Variants in MYO18A observed in about 807,000 individuals in gnomAD.
The protein encoded by MYO18A is myosin XVIIIA.
Under a neutral mutation model 235.8 loss-of-function variants are expected in MYO18A, and 78 were observed. The observed-to-expected ratio is 0.33, with a 90% CI of 0.28 to 0.40. MYO18A has a LOEUF of 0.40. MYO18A is among the 10% of genes least tolerant of loss of function. The probability of loss-of-function intolerance (pLI) is 1.00; values close to 1 mark genes in which losing one functional copy is unlikely to be tolerated. For synonymous variants in MYO18A, 977 were observed against 1,077.8 expected, an observed-to-expected ratio of 0.91 and a Z score of 1.83; for missense variants, 2,215 against 2,699.3, an observed-to-expected ratio of 0.82 and a Z score of 3.98.
chr17:29,076,011 T>C (rs2065965914), intron 41 of MYO18A: 1 of 157,612 alleles, frequency 6.3e-6, no homozygotes, highest in Admixed American at 6.5e-5. Flanking sequence ...CTTTTAAAGT[T>C]CTATCCCCAA....
Position 29,118,402 on chromosome 17 carries a change from A to G in MYO18A, c.1868T>C (p.Val623Ala). ...CTTGGCCAGTGGCACAATCCCAAAC[A>G]CATTGTTCTCTGCCAAGTGGTTGAG... Reference protein sequence around the residue: ...LHLNHLAENNVFGIVPLAKPE... With the variant: ...LHLNHLAENNAFGIVPLAKPE... Residue 623 changes from valine to alanine, a missense_variant, in exon 9 of 42, where the codon GTG (valine) becomes GCG (alanine). Transcript: ENST00000527372. This position sits in a 1 kb window ranked among gnomAD's most constrained non-coding sequence, Gnocchi z 4.2. The G allele has an allele frequency of 6.2e-7, 1 of 1,607,148 alleles. No individual in the cohort carries two copies. The highest frequency in any genetic ancestry group is 1.3e-5 in the African/African-American group (1 of 74,924).
chr17:29,111,445 C>A lies in MYO18A; in HGVS notation c.2879G>T (p.Arg960Leu), dbSNP rs555384674. The change falls in exon 17 of 42, where the codon CGG becomes CTG. Residue 960 changes from arginine (R) to leucine (L), a missense_variant. Arg to Leu is a moderately radical substitution (Grantham distance 102). Transcript: ENST00000527372. This position sits in a 1 kb window ranked among gnomAD's most constrained non-coding sequence, Gnocchi z 5.1. ...TTACTTCTGGGAGTCCTGCAGGAGC[C>A]GGGGGGCATTCTGGGTGGCTGGGTT... Reference protein sequence around the residue: ...KQNPATQNAPRLLQDSQKKII... With the variant: ...KQNPATQNAPLLLQDSQKKII... 3 of 1,612,230 alleles carry A rather than the reference C, an allele frequency of 1.9e-6. No individual in the cohort carries two copies. Among genetic ancestry groups the A allele is most frequent in the South Asian group, 2.2e-5 (2 of 90,650 alleles).
intron 2 of MYO18A, among the ~76,000 whole-genome samples, chr17:29,157,107 G>GT (rs1348559793): frequency 6.6e-6 from 1 of 152,200 alleles, no homozygotes; most frequent in Non-Finnish European, 1.5e-5. Context: ...GGCCAAAAAG[G>GT]TGAGAGGGGC....
rs1232612691 is a variant in MYO18A, at chr17:29,096,834, C to T, written c.4312G>A (p.Glu1438Lys). 1 of 1,598,324 alleles carries T rather than the reference C, an allele frequency of 6.3e-7. No homozygotes were observed. Among genetic ancestry groups the T allele is most frequent in the African/African-American group, 1.3e-5 (1 of 74,634 alleles). ...AGGTGCAGCTTGGTGTCTTGCAGCT[C>T]AGCCGTCAGTCGCTGGCACTTCTTC... ...LKKKCQRLTA[E>K]LQDTKLHLEG... The change falls in exon 28 of 42, where the codon GAG becomes AAG. Residue 1438 changes from glutamate (E) to lysine (K), a missense_variant. Coordinates refer to ENST00000527372, the MANE Select transcript of MYO18A (RefSeq NM_078471.4).
At chr17:29,083,789 C>T (rs2066182634) in intron 40 of MYO18A, among the ~76,000 whole-genome samples, 1 of 152,108 alleles carries the variant, frequency 6.6e-6, no homozygotes, top group Non-Finnish European at 1.5e-5. Context: ...CATGGAACAC[C>T]AATACCACCT....
intron 12 of MYO18A, 35 bp from the exon 13 acceptor site, chr17:29,115,476 C>T (rs1301537194): frequency 1.9e-6 from 3 of 1,597,986 alleles, no homozygotes; most frequent in East Asian, 2.3e-5. Flanking sequence ...ATCTCCTTCT[C>T]CCCAGGGCTC....
chr17:29,082,807 C>T (rs1445748658), intron 40 of MYO18A, among the ~76,000 whole-genome samples: 5 of 152,224 alleles, frequency 3.3e-5, no homozygotes, highest in African/African-American at 1.2e-4. Flanking sequence ...TCTTCAGTGA[C>T]TCCTTGAGGC....
At chr17:29,084,750 A>G (rs2066209638) in intron 40 of MYO18A, among the ~76,000 whole-genome samples, 1 of 151,438 alleles carries the variant, frequency 6.6e-6, no homozygotes, top group African/African-American at 2.4e-5. Flanking sequence ...TGGCCAGGGG[A>G]GGGGGTCCAT....
chr17:29,107,715 A>G (rs1042539011), intron 19 of MYO18A: 2 of 152,740 alleles, frequency 1.3e-5, no homozygotes, highest in Admixed American at 6.5e-5. Flanking sequence ...CCAGGAGTTT[A>G]GACAAGCCTG....
intron 7 of MYO18A, 121 bp from the exon 8 acceptor site, chr17:29,119,556 T>A: frequency 2.3e-6 from 1 of 433,614 alleles, no homozygotes; most frequent in Non-Finnish European, 3.9e-6. Context: ...CAGCTGCATT[T>A]TTTTTTTTTT....
Position 29,119,384 on chromosome 17 carries a change from T to C in MYO18A, c.1780A>G (p.Thr594Ala), listed in dbSNP as rs371793190. ...RVARRPASEA[T>A]FNVFYYLLAC... Reference sequence around the variant, plus strand: ...AGCAGGTAGTAGAAGACGTTGAATGTGGCTTCACTGGCTGGGCGCCGAGCC... The same window carrying C: ...AGCAGGTAGTAGAAGACGTTGAATGCGGCTTCACTGGCTGGGCGCCGAGCC... Residue 594 changes from threonine (T) to alanine (A), a missense_variant, in exon 8 of 42, where the codon ACA becomes GCA. By Grantham distance (58) the Thr-to-Ala change is moderately conservative. Transcript: ENST00000527372. 9.3e-6 allele frequency: 15 copies of C among 1,612,372 alleles called. No individual in the cohort carries two copies. Among genetic ancestry groups the C allele is most frequent in the Non-Finnish European group, 1.2e-5 (14 of 1,179,554 alleles).
At chr17:29,101,059 G>A (rs1043642003) in intron 21 of MYO18A, among the ~76,000 whole-genome samples, 5 of 152,160 alleles carry the variant, frequency 3.3e-5, no homozygotes, top group Non-Finnish European at 7.3e-5. Context: ...GTAAAGTGGT[G>A]TGATCATCGA....
intron 2 of MYO18A, among the ~76,000 whole-genome samples, chr17:29,144,401 C>T (rs1355015059): frequency 6.6e-6 from 1 of 152,200 alleles, no homozygotes. Flanking sequence ...TGACCCTCTC[C>T]ATCTCTCCAG....
chr17:29,124,419 G>A (rs541145571), intron 2 of MYO18A, among the ~76,000 whole-genome samples: 14 of 152,324 alleles, frequency 9.2e-5, no homozygotes, highest in African/African-American at 3.4e-4. Context: ...CTTGAAGGGC[G>A]ACACTCGGTC....
At chr17:29,129,989 C>T (rs1385711678) in intron 2 of MYO18A, among the ~76,000 whole-genome samples, 11 of 152,212 alleles carry the variant, frequency 7.2e-5, no homozygotes, top group East Asian at 1.9e-4. Context: ...TCCCATCCCC[C>T]TTCCATCATT....
rs1473998715 is a variant in MYO18A, at chr17:29,097,885, T to C, written c.4005A>G (p.Ala1335=). The part of the protein sequence containing the change: ...EMKELQTQYD[A]LKKQMEVMEM... The stretch of plus-strand genomic sequence containing the variant: ...CCATAACCTCCATCTGCTTCTTCAG[T>C]GCATCGTACTGGGTCTGCAGAAGAC... Residue 1335 remains alanine (A), a synonymous_variant, in exon 26 of 42, where the codon GCA becomes GCG. Coordinates refer to ENST00000527372, the MANE Select transcript of MYO18A (RefSeq NM_078471.4). 2.5e-6 allele frequency: 4 copies of C among 1,613,320 alleles called. No individual in the cohort carries two copies. Among genetic ancestry groups the C allele is most frequent in the Middle Eastern group, 1.6e-4 (1 of 6,078 alleles).
intron 2 of MYO18A, among the ~76,000 whole-genome samples, chr17:29,144,525 CTCTT>C (rs1223345183): frequency 6.6e-6 from 1 of 152,210 alleles, no homozygotes; most frequent in African/African-American, 2.4e-5. Context: ...GAATCCCAGC[CTCTT>C]TCTTGCTGTC....
At chr17:29,169,339 C>T (rs551229944) in intron 1 of MYO18A, among the ~76,000 whole-genome samples, 3 of 152,236 alleles carry the variant, frequency 2.0e-5, no homozygotes, top group Admixed American at 6.5e-5. Flanking sequence ...CGTGAGCCAC[C>T]GCGCCTAGCC....
rs9897067 is a variant in MYO18A at position 29,137,853 on chromosome 17, G to A, written c.1000-15600C>T. 7.1e-3 allele frequency among the ~76,000 whole-genome samples: 1,081 copies of A among 152,162 alleles called. 16 individuals carry two copies. The highest frequency in any genetic ancestry group is 0.025 in the African/African-American group (1,041 of 41,502). On this transcript the variant is annotated intron_variant, in intron 2 of 41. Transcript: ENST00000527372. ...AAACTGTGTGAATTAGACACAACAT[G>A]AACACCTGGTATTTATTTTGGTATG...
Sources: allele counts gnomAD v4.1 joint callset (sites outside exome capture counted in the v4.1 genomes callset), GRCh38; gene constraint gnomAD v4.1.1; non-coding constraint Gnocchi (gnomAD v3.1); transcripts MANE v1.5; gene names NCBI Gene and HGNC (gene_info 2026-07-23, HGNC 2026-07-21).